The following TRPC1 variants were observed in gnomAD, a reference collection of about 807,000 sequenced individuals.
TRPC1 encodes transient receptor potential cation channel subfamily C member 1.
Under a neutral mutation model 88.2 loss-of-function variants are expected in TRPC1, and 42 were observed. The observed-to-expected ratio is 0.48, with a 90% confidence interval of 0.37 to 0.62. The LOEUF (loss-of-function observed/expected upper bound fraction) is 0.62, where lower values mean the gene tolerates loss of function less well. Among genes scored for constraint, TRPC1 ranks in the 20% least tolerant of loss-of-function variants. The pLI, the probability that TRPC1 is intolerant of heterozygous loss-of-function variation, is 0.00. For synonymous variants in TRPC1, 288 were observed against 331.8 expected (o/e 0.87, Z 1.43); for missense variants, 699 against 957.3 (o/e 0.73, Z 3.56).
At position 142,806,023 on chromosome 3, in the gene TRPC1, A is replaced by G. The variant is rs761785553; in HGVS notation, c.2170A>G (p.Lys724Glu). 1.9e-6 allele frequency: 3 copies of G among 1,613,338 alleles called. No homozygotes were observed. In the Admixed American group the frequency reaches 5.0e-5, roughly 27 times the overall value. ...QNSLKEWRNL[K>E]QKRDENYQKV... is the part of the protein sequence containing the mutation. ...TGTTTTGAAGGAATGGAGGAATTTG[A>G]AACAGAAGAGAGATGAAAACTATCA... The change falls in exon 13 of 13, where the codon AAA becomes GAA. Residue 724 changes from lysine (K) to glutamate (E), a missense_variant. By Grantham distance (56) the Lys-to-Glu change is moderately conservative. This residue lies in a region of TRPC1 where 105 missense variants were observed against 141.7 expected (regional missense o/e 0.74). Coordinates refer to ENST00000476941, the MANE Select transcript of TRPC1 (RefSeq NM_001251845.2).
chr3:142,740,373 A>G (rs958051104), intron 2 of TRPC1, among the ~76,000 whole-genome samples: 5 of 152,228 alleles, frequency 3.3e-5, no homozygotes, highest in Non-Finnish European at 1.5e-5. Context: ...TTTGGCAGCT[A>G]TCAGGCAGTC....
chr3:142,745,473 A>G (rs966263089), intron 3 of TRPC1, among the ~76,000 whole-genome samples: 5 of 152,116 alleles, frequency 3.3e-5, no homozygotes, highest in Non-Finnish European at 7.4e-5. Context: ...GAGAAACCCC[A>G]TCTCTACTAA....
chr3:142,757,487 T>A (rs1230448103), intron 4 of TRPC1, among the ~76,000 whole-genome samples: 1 of 152,160 alleles, frequency 6.6e-6, no homozygotes, highest in Admixed American at 6.6e-5. Flanking sequence ...CATGAATTCA[T>A]GTCCTTTGTG....
intron 1 of TRPC1, among the ~76,000 whole-genome samples, chr3:142,732,054 G>A (rs1933942323): frequency 6.6e-6 from 1 of 152,108 alleles, no homozygotes; most frequent in Admixed American, 6.5e-5. Context: ...CCCTTTTTCA[G>A]AAAACTTTGT....
chr3:142,746,868 A>AG (rs1934575748), intron 3 of TRPC1, among the ~76,000 whole-genome samples: 1 of 152,162 alleles, frequency 6.6e-6, no homozygotes, highest in East Asian at 1.9e-4. Context: ...AAAAAAAAAA[A>AG]CTGGTCATGG....
At chr3:142,726,698 C>T (rs1040497425) in intron 1 of TRPC1, among the ~76,000 whole-genome samples, 2 of 152,208 alleles carry the variant, frequency 1.3e-5, no homozygotes, top group Non-Finnish European at 2.9e-5. Context: ...CTTTTGATTA[C>T]GTGTTTGTAT....
At chr3:142,790,918 G>T in intron 7 of TRPC1, 101 bp from the exon 8 acceptor site, 2 of 1,013,124 alleles carry the variant, frequency 2.0e-6, no homozygotes, top group Admixed American at 4.1e-5. Flanking sequence ...TTTGAATAAG[G>T]CCCAAGGATT....
chr3:142,724,632 T>C lies in TRPC1; in HGVS notation c.73T>C (p.Ser25Pro), dbSNP rs764956121. 5 of 1,612,408 alleles carry C rather than the reference T, an allele frequency of 3.1e-6. No individual in the cohort carries two copies. The South Asian group carries it at 4.4e-5, about 14-fold the overall frequency. Residue 25 changes from serine (S) to proline (P), a missense_variant, in exon 1 of 13, where the codon TCT becomes CCT. Transcript: ENST00000476941. The surrounding 1 kb of genome is among the most constrained non-coding windows in gnomAD (Gnocchi z 5.6). ...SSSSLPSSPS[S>P]SSPNEVMALK... ...CTCCTCCCTGCCTTCCTCTCCATCC[T>C]CTTCCTCGCCGAACGAGGTGATGGC...
chr3:142,782,256 T>A (rs947184819), intron 6 of TRPC1, among the ~76,000 whole-genome samples: 1 of 152,178 alleles, frequency 6.6e-6, no homozygotes, highest in Non-Finnish European at 1.5e-5. Flanking sequence ...GAACCAAATG[T>A]ACCATTCTAA....
chr3:142,779,740 A>C, intron 5 of TRPC1, among the ~76,000 whole-genome samples: 1 of 152,090 alleles, frequency 6.6e-6, no homozygotes, highest in East Asian at 1.9e-4. Context: ...TCAGTTTGGG[A>C]AAAAACTGAA....
At position 142,804,545 on chromosome 3, in the gene TRPC1, C is replaced by CTAATCA; in HGVS notation, c.2071_2072insATCATA (p.Thr690_Ile691insAsnHis). On this transcript the variant is annotated inframe_insertion, in exon 12 of 13. Coordinates refer to ENST00000476941, the MANE Select transcript of TRPC1 (RefSeq NM_001251845.2). ...TTCAACATCATTCCCTCACCAAAGA[C>CTAATCA]TATCTGCTATATGATTAGTAGCCTC... The CTAATCA allele has an allele frequency of 6.2e-7, 1 of 1,613,640 alleles. No homozygotes were observed. The highest frequency in any genetic ancestry group is 8.5e-7 in the Non-Finnish European group (1 of 1,179,762).
At chr3:142,805,307 G>C (rs1578018319) in intron 12 of TRPC1, among the ~76,000 whole-genome samples, 2 of 151,910 alleles carry the variant, frequency 1.3e-5, no homozygotes, top group South Asian at 2.1e-4. Context: ...TGTAGCTAAA[G>C]AATGACTACT....
chr3:142,783,852 A>G (rs938033161), intron 6 of TRPC1, among the ~76,000 whole-genome samples: 1 of 152,180 alleles, frequency 6.6e-6, no homozygotes, highest in Non-Finnish European at 1.5e-5. Context: ...ACATGAGTAT[A>G]TATAGAATTA....
intron 7 of TRPC1, among the ~76,000 whole-genome samples, chr3:142,789,560 T>C (rs1936234942): frequency 6.6e-6 from 1 of 152,204 alleles, no homozygotes; most frequent in South Asian, 2.1e-4. Flanking sequence ...GGGAATTATT[T>C]TGCCTACTGA....
intron 10 of TRPC1, among the ~76,000 whole-genome samples, chr3:142,802,686 G>C (rs901300825): frequency 6.6e-6 from 1 of 152,138 alleles, no homozygotes; most frequent in Non-Finnish European, 1.5e-5. Flanking sequence ...GGTATTAAAT[G>C]TCAGTAGCAA....
At chr3:142,730,749 A>G (rs1933872254) in intron 1 of TRPC1, among the ~76,000 whole-genome samples, 2 of 151,938 alleles carry the variant, frequency 1.3e-5, no homozygotes, top group South Asian at 4.1e-4. Flanking sequence ...TCACATCATC[A>G]TTCTTTTTCC....
At position 142,763,622 on chromosome 3, in the gene TRPC1, C is replaced by A. The variant is rs867394611; in HGVS notation, c.633-14010C>A. ...ATATAGTTGGGTCTTATTTCTTTAT[C>A]CATTAAGCCACACTATGCTTCTTAA... On this transcript the variant is annotated intron_variant, in intron 4 of 12. Coordinates refer to ENST00000476941, the MANE Select transcript of TRPC1 (RefSeq NM_001251845.2). 2.2e-4 allele frequency among the ~76,000 whole-genome samples: 33 copies of A among 151,974 alleles called. 1 individual carries two copies. The highest frequency in any genetic ancestry group is 6.8e-3 in the Middle Eastern group (2 of 292).
At chr3:142,770,326 A>G (rs975705642) in intron 4 of TRPC1, among the ~76,000 whole-genome samples, 5 of 151,646 alleles carry the variant, frequency 3.3e-5, no homozygotes, top group African/African-American at 1.2e-4. Context: ...TGAACTCCTG[A>G]CCTCAAGTAA....
chr3:142,742,530 A>G (rs6790959), intron 2 of TRPC1, among the ~76,000 whole-genome samples: 74,858 of 151,950 alleles, frequency 0.49, 20,263 homozygotes, highest in African/African-American at 0.73. Flanking sequence ...AGATAAAGTG[A>G]ATATAAACTT....
Sources: gnomAD v4.1 joint callset for allele counts (sites outside exome capture counted in the v4.1 genomes callset) on GRCh38, gnomAD v4.1.1 for gene constraint, gnomAD v4.1.1 regional missense constraint, Gnocchi (gnomAD v3.1) non-coding constraint, MANE v1.5 for transcripts, NCBI Gene and HGNC (gene_info 2026-07-23, HGNC 2026-07-21) for gene names.